Variants in SNHG17 observed in about 807,000 individuals in gnomAD.
The protein encoded by SNHG17 is small nucleolar RNA host gene 17 (non-protein coding).
intron 3 of SNHG17, chr20:38,428,491 C>G (rs751026485): frequency 2.0e-5 from 3 of 152,272 alleles, no homozygotes; most frequent in Non-Finnish European, 2.9e-5. Flanking sequence ...TCTCCTGCAA[C>G]ACCTCTCACT....
At chr20:38,425,066 C>A in intron 5 of SNHG17, 1 of 374,576 alleles carries the variant, frequency 2.7e-6, no homozygotes. Flanking sequence ...CCCAGATAAA[C>A]CCTGTTTCCT....
At position 38,431,904 on chromosome 20, in the gene SNHG17, CCT is replaced by C. The variant is rs556294105; in HGVS notation, n.309-794_309-793del. The stretch of plus-strand genomic sequence containing the variant: ...CCAGCACAAAGACACTCTTACCTCA[CCT>C]CTCTCTACTTCCCAGACATCACGCC... On this transcript the variant is annotated intron_variant and non_coding_transcript_variant, in intron 2 of 8. Transcript: ENST00000654008. 141 of 617,988 alleles carry C rather than the reference CCT, an allele frequency of 2.3e-4. 2 individuals carry two copies. The African/African-American group carries it at 2.5e-3, about 11-fold the overall frequency. The allele number at this position is 617,988 out of a possible 1,614,324, so 38.3% of individuals were successfully genotyped here. A position where few individuals can be genotyped will look rare whatever the true frequency, so the allele number is the denominator to read the frequency against.
At position 38,435,225 on chromosome 20, in the gene SNHG17, A is replaced by C. The variant is rs1247001641; in HGVS notation, n.157T>G. 8.9e-6 allele frequency: 11 copies of C among 1,231,852 alleles called. 1 individual carries two copies. The highest frequency in any genetic ancestry group is 4.1e-5 in the South Asian group (1 of 24,326). 76.3% of individuals were successfully genotyped at this position (1,231,852 alleles called of 1,614,324 possible). On this transcript the variant is annotated non_coding_transcript_exon_variant, in exon 1 of 9. Transcript: ENST00000654008. ...GCGCCCTGGCGTCGAGTGGCGGCGG[A>C]GACCTGACAGACAGCGTGGGAAAAA...
At chr20:38,425,279 G>A (rs2084227594) in intron 5 of SNHG17, 1 of 519,162 alleles carries the variant, frequency 1.9e-6, no homozygotes, top group Non-Finnish European at 3.8e-6. Context: ...TCCTCTCCCT[G>A]CACTATCAAT....
intron 1 of SNHG17, chr20:38,435,010 C>T: frequency 8.1e-7 from 1 of 1,230,214 alleles, no homozygotes; most frequent in Non-Finnish European, 1.0e-6. Context: ...ACTGCCGCGG[C>T]CAAGGGCGCG....
rs1280694211 is a variant in SNHG17, at chr20:38,426,993, C to CAT, written n.381-492_381-491dup. On this transcript the variant is annotated intron_variant and non_coding_transcript_variant, in intron 3 of 8. Coordinates refer to ENST00000654008, the Ensembl canonical transcript of SNHG17. ...TACCCTATCCTGTCCCCAAGTTACA[C>CAT]ATACACACACACACACACACACACA... Among the ~76,000 whole-genome samples, 29 of 132,896 alleles carry CAT rather than the reference C, an allele frequency of 2.2e-4. 1 individual carries two copies. Among genetic ancestry groups the CAT allele is most frequent in the East Asian group, 8.6e-4 (4 of 4,654 alleles). The allele number at this position is 132,896 out of a possible 152,430, so 87.2% of individuals were successfully genotyped here. A position where few individuals can be genotyped will look rare whatever the true frequency, so the allele number is the denominator to read the frequency against.
chr20:38,425,116 G>T, intron 5 of SNHG17: 1 of 444,498 alleles, frequency 2.2e-6, no homozygotes, highest in South Asian at 1.6e-5. Flanking sequence ...GTTGAACCTG[G>T]TGCCATCCCT....
chr20:38,431,915 T>C, intron 2 of SNHG17: 1 of 736,230 alleles, frequency 1.4e-6, no homozygotes. Flanking sequence ...CTCTCTCTAC[T>C]TCCCAGACAT....
At chr20:38,435,164 T>C (rs986918093) in intron 1 of SNHG17, 14 of 1,232,140 alleles carry the variant, frequency 1.1e-5, no homozygotes, top group Admixed American at 8.4e-5. Flanking sequence ...ATGGTGAGAG[T>C]GGAGCCGACC....
intron 5 of SNHG17, among the ~76,000 whole-genome samples, chr20:38,423,102 A>G (rs2084186103): frequency 6.6e-6 from 1 of 151,880 alleles, no homozygotes; most frequent in African/African-American, 2.4e-5. Flanking sequence ...CAAAAAAAAA[A>G]AAGAAGACCC....
chr20:38,428,245 C>T (rs563889374), intron 3 of SNHG17: 1 of 152,402 alleles, frequency 6.6e-6, no homozygotes, highest in Admixed American at 6.5e-5. Flanking sequence ...GCAGGGGCCT[C>T]CTCCTCCACA....
At chr20:38,423,935 T>A (rs1275961148) in intron 5 of SNHG17, among the ~76,000 whole-genome samples, 1 of 152,120 alleles carries the variant, frequency 6.6e-6, no homozygotes, top group Non-Finnish European at 1.5e-5. Context: ...TGGGAGGCTG[T>A]CCCAATTATT....
chr20:38,427,910 A>G (rs2084276930), intron 3 of SNHG17: 1 of 152,280 alleles, frequency 6.6e-6, no homozygotes. Context: ...GATCCCAGTA[A>G]ACACCCCGGG....
chr20:38,425,795 T>C (rs2084236659), intron 5 of SNHG17: 1 of 155,514 alleles, frequency 6.4e-6, no homozygotes, highest in Non-Finnish European at 1.4e-5. Context: ...CTGGACTTAC[T>C]ATCCATAATC....
At chr20:38,427,545 T>C in intron 3 of SNHG17, 1 of 306,332 alleles carries the variant, frequency 3.3e-6, no homozygotes, top group South Asian at 3.0e-5. Context: ...CTGCCATCTG[T>C]CCTGTAAAAT....
At chr20:38,430,437 CT>C (rs1363410207) in intron 3 of SNHG17, among the ~76,000 whole-genome samples, 6 of 151,990 alleles carry the variant, frequency 3.9e-5, no homozygotes, top group African/African-American at 1.5e-4. Context: ...CGCGATCAGC[CT>C]GGCCAACACC....
chr20:38,424,336 C>T (rs979647844), intron 5 of SNHG17, among the ~76,000 whole-genome samples: 3 of 152,020 alleles, frequency 2.0e-5, no homozygotes, highest in African/African-American at 7.3e-5. Flanking sequence ...TGCATTCATA[C>T]ATCTGACTAT....
chr20:38,427,273 G>A (rs761875083), intron 3 of SNHG17: 7 of 462,030 alleles, frequency 1.5e-5, no homozygotes, highest in Middle Eastern at 3.5e-4. Flanking sequence ...AGCAAGCGCC[G>A]GACTCCTCAA....
At chr20:38,426,997 C>CACAT (rs1339086651) in intron 3 of SNHG17, among the ~76,000 whole-genome samples, 60 of 112,686 alleles carry the variant, frequency 5.3e-4, no homozygotes, top group African/African-American at 2.3e-3. Context: ...GTTACACATA[C>CACAT]ACACACACAC....
Sources: gnomAD v4.1 joint callset for allele counts (sites outside exome capture counted in the v4.1 genomes callset) on GRCh38, gnomAD v4.1.1 for gene constraint, MANE v1.5 for transcripts, NCBI Gene and HGNC (gene_info 2026-07-23, HGNC 2026-07-21) for gene names.